The following MED16 variants were observed in gnomAD, a reference collection of about 807,000 sequenced individuals.
MED16 encodes mediator of RNA polymerase II transcription subunit 16.
MED16 carries 81 observed loss-of-function variants against 84.4 expected under a neutral mutation model. That is an observed-to-expected ratio of 0.96 (90% CI 0.80 to 1.15). MED16 has a LOEUF of 1.15. MED16 is among the 50% of genes most tolerant of loss of function. The pLI is 0.00. For missense variants in MED16, 1,585 were observed against 1,245.9 expected (o/e 1.27, Z -4.10); for synonymous variants, 897 against 552.2 (o/e 1.62, Z -8.76).
rs1010026037 is a variant in MED16 at position 877,543 on chromosome 19, G to A, written c.1354-363C>T. On this transcript the variant is annotated intron_variant, in intron 8 of 15. Coordinates refer to ENST00000325464, the MANE Select transcript of MED16 (RefSeq NM_005481.3). ...CCACCCCACTGACCTCGCTCAACAA[G>A]ACGAACCCATCACACAGACAAGGCA... Among the ~76,000 whole-genome samples, 6 of 115,286 alleles carry A rather than the reference G, an allele frequency of 5.2e-5. No individual in the cohort carries two copies. In the East Asian group the frequency reaches 1.2e-3, roughly 23 times the overall value. 75.6% of individuals were successfully genotyped at this position (115,286 alleles called of 152,430 possible). A position where few individuals can be genotyped will look rare whatever the true frequency, so the allele number is the denominator to read the frequency against.
At chr19:877,739 T>G (rs2036287809) in intron 8 of MED16, among the ~76,000 whole-genome samples, 1 of 109,888 alleles carries the variant, frequency 9.1e-6, no homozygotes, top group Non-Finnish European at 1.8e-5. Flanking sequence ...CCCCAGCAGC[T>G]CACCTTCCCC....
chr19:873,541 C>G lies in MED16; in HGVS notation c.1813G>C (p.Val605Leu), dbSNP rs1284523236. Residue 605 changes from valine (V) to leucine (L), a missense_variant, in exon 11 of 16, where the codon GTG (valine) becomes CTG (leucine). Transcript: ENST00000325464. Reference sequence around the variant, plus strand: ...GCCTGCAGTGTGTTCATGTCCAGCACAAATTCCTCCGTCTTGAGGTTGATC... The same window carrying G: ...GCCTGCAGTGTGTTCATGTCCAGCAGAAATTCCTCCGTCTTGAGGTTGATC... ...VMINLKTEEF[V>L]LDMNTLQALQ... is the part of the protein sequence containing the mutation. The G allele has an allele frequency of 6.2e-7, 1 of 1,612,412 alleles. No individual in the cohort carries two copies. Among genetic ancestry groups the G allele is most frequent in the East Asian group, 2.2e-5 (1 of 44,880 alleles).
chr19:871,482 C>A (rs1004299878), intron 12 of MED16: 13 of 1,466,306 alleles, frequency 8.9e-6, no homozygotes, highest in African/African-American at 4.2e-5. Context: ...CATGAGACTC[C>A]CTCATTCACT....
At chr19:880,963 G>A (rs1338749618) in intron 7 of MED16, among the ~76,000 whole-genome samples, 1 of 152,006 alleles carries the variant, frequency 6.6e-6, no homozygotes, top group Non-Finnish European at 1.5e-5. Context: ...CCTGGAAAAT[G>A]GAGCATAAAC....
chr19:891,702 A>G (rs1291288038), intron 1 of MED16, among the ~76,000 whole-genome samples: 3 of 108,354 alleles, frequency 2.8e-5, no homozygotes, highest in African/African-American at 1.2e-4. Context: ...GGCGGGGCTG[A>G]GTGTGACGGG....
chr19:871,431 G>A (rs1356717486), intron 12 of MED16, among the ~76,000 whole-genome samples, 178 bp from the exon 13 acceptor site: 2 of 152,046 alleles, frequency 1.3e-5, no homozygotes. Context: ...CTGCCTGCCT[G>A]GCTGGGTGAC....
chr19:871,216 C>G lies in MED16; in HGVS notation c.2136G>C (p.Ala712=). 6.5e-7 allele frequency: 1 copy of G among 1,547,234 alleles called. No individual in the cohort carries two copies. The highest frequency in any genetic ancestry group is 8.7e-7 in the Non-Finnish European group (1 of 1,144,258). Residue 712 remains alanine (A), a synonymous_variant, in exon 13 of 16, where the codon GCG becomes GCC. Transcript: ENST00000325464. ...DEGPASEPDE[A]LVDECCLLPS... ...GCAGCAGGCAGCATTCATCCACCAG[C>G]GCCTCGTCCGGCTCGCTCGCTGGGC...
At chr19:874,243 A>G (rs998597206) in intron 10 of MED16, among the ~76,000 whole-genome samples, 2 of 152,018 alleles carry the variant, frequency 1.3e-5, no homozygotes, top group African/African-American at 4.8e-5. Flanking sequence ...CCTCCCGAGT[A>G]GCTGGGACTA....
rs192692625 is a variant in MED16, at chr19:886,835, G to A, written c.448-634C>T. ...TCTCGCCTATAATCCCAGCACTTTG[G>A]GGGGCTGAGGCAGGTGGATCCCCTG... On this transcript the variant is annotated intron_variant, in intron 4 of 15. Coordinates refer to ENST00000325464, the MANE Select transcript of MED16 (RefSeq NM_005481.3). Among the ~76,000 whole-genome samples the A allele has an allele frequency of 2.6e-4, 40 of 152,294 alleles. No homozygotes were observed. The South Asian group carries it at 7.7e-3, about 29-fold the overall frequency.
intron 15 of MED16, 55 bp downstream of exon 15, chr19:868,361 G>A (rs1568315916): frequency 1.3e-6 from 2 of 1,596,612 alleles, no homozygotes; most frequent in Non-Finnish European, 1.7e-6. Flanking sequence ...AGTAGCTGAG[G>A]GGCAGCTGGG....
chr19:891,269 G>T (rs1328067888), intron 1 of MED16, 120 bp from the exon 2 acceptor site: 2 of 975,648 alleles, frequency 2.0e-6, no homozygotes, highest in East Asian at 2.6e-5. Flanking sequence ...CCGATGCAAA[G>T]GCCCGGAGGC....
At chr19:876,570 G>A (rs1322494446) in intron 9 of MED16, among the ~76,000 whole-genome samples, 7 of 152,128 alleles carry the variant, frequency 4.6e-5, no homozygotes, top group Non-Finnish European at 5.9e-5. Flanking sequence ...AGGTAAGGAA[G>A]GAAACTGCTT....
In MED16 at chr19:883,284, ACCGAAGC is replaced by A. The variant is rs1568330003; in HGVS notation, c.986-1577_986-1571del. On this transcript the variant is annotated intron_variant, in intron 6 of 15. Transcript: ENST00000325464. ...GCGTGAAGAGCTGGGCATGGCGGGGACCGAAGCCTGGCATGGTGGGCACGTGGGGCGG... is the reference window on the plus strand; with the variant it reads ...GCGTGAAGAGCTGGGCATGGCGGGGACTGGCATGGTGGGCACGTGGGGCGG... Among the ~76,000 whole-genome samples the A allele has an allele frequency of 1.3e-4, 17 of 134,652 alleles. 2 individuals carry two copies. Among genetic ancestry groups the A allele is most frequent in the African/African-American group, 4.8e-4 (16 of 33,522 alleles). 88.3% of individuals were successfully genotyped at this position (134,652 alleles called of 152,430 possible).
chr19:868,717 T>A, intron 14 of MED16, 146 bp downstream of exon 14: 1 of 1,070,262 alleles, frequency 9.3e-7, no homozygotes, highest in Non-Finnish European at 1.3e-6. Flanking sequence ...CTGCTCCACA[T>A]CCTGGGATCC....
intron 7 of MED16, among the ~76,000 whole-genome samples, chr19:881,195 C>T (rs1418685915): frequency 6.6e-6 from 1 of 152,170 alleles, no homozygotes; most frequent in Non-Finnish European, 1.5e-5. Flanking sequence ...CTCATGGGCA[C>T]GGATGCCACG....
At position 868,515 on chromosome 19, in the gene MED16, C is replaced by T. The variant is rs200772638; in HGVS notation, c.2400-16G>A. The T allele has an allele frequency of 5.5e-5, 88 of 1,607,742 alleles. No individual in the cohort carries two copies. Among genetic ancestry groups the T allele is most frequent in the Non-Finnish European group, 7.5e-5 (88 of 1,179,654 alleles). On this transcript the variant is annotated splice_polypyrimidine_tract_variant and intron_variant, in intron 14 of 15. Coordinates refer to ENST00000325464, the MANE Select transcript of MED16 (RefSeq NM_005481.3). ...ACAGCCGCACCTGCGGGGAGGCAGGCACTGAGCGGGTTCCCACTTCCAGGC... is the reference window on the plus strand; with the variant it reads ...ACAGCCGCACCTGCGGGGAGGCAGGTACTGAGCGGGTTCCCACTTCCAGGC...
intron 9 of MED16, 124 bp from the exon 10 acceptor site, chr19:875,578 G>C: frequency 1.4e-6 from 1 of 725,290 alleles, no homozygotes; most frequent in Non-Finnish European, 2.2e-6. Flanking sequence ...AAGCTGCTTC[G>C]CCTCTGCACC....
At chr19:870,464 G>A (rs1003492372) in intron 13 of MED16, among the ~76,000 whole-genome samples, 2 of 151,914 alleles carry the variant, frequency 1.3e-5, no homozygotes, top group Non-Finnish European at 2.9e-5. Flanking sequence ...GGAAGGCTGA[G>A]GTAGGAGAAT....
intron 10 of MED16, among the ~76,000 whole-genome samples, 183 bp from the exon 11 acceptor site, chr19:873,765 G>A (rs2036159594): frequency 6.6e-6 from 1 of 151,888 alleles, no homozygotes; most frequent in Non-Finnish European, 1.5e-5. Flanking sequence ...GGAGCCCACT[G>A]CCTGCCCCCC....
Sources: gnomAD v4.1 joint callset for allele counts (sites outside exome capture counted in the v4.1 genomes callset) on GRCh38, gnomAD v4.1.1 for gene constraint, MANE v1.5 for transcripts, NCBI Gene and HGNC (gene_info 2026-07-23, HGNC 2026-07-21) for gene names.